Variants in ZMYM2 observed in about 807,000 individuals in gnomAD.
ZMYM2 encodes zinc finger MYM-type protein 2.
Under a neutral mutation model 162.8 loss-of-function variants are expected in ZMYM2, and 56 were observed. The observed-to-expected ratio is 0.34, with a 90% CI of 0.28 to 0.43. The LOEUF is 0.43. Ranked by LOEUF, ZMYM2 falls within the 20% of genes least tolerant of loss-of-function variation. The probability of loss-of-function intolerance (pLI) is 1.00; values close to 1 mark genes in which losing one functional copy is unlikely to be tolerated. For missense variants in ZMYM2, 1,275 were observed against 1,621.8 expected (o/e 0.79, Z 3.67); for synonymous variants, 510 against 541.6 (o/e 0.94, Z 0.81).
chr13:19,877,616 C>T, the ZMYM2 span, among the ~76,000 whole-genome samples: 2 of 152,194 alleles, frequency 1.3e-5, no homozygotes, highest in Admixed American at 1.3e-4. Flanking sequence ...ATATCCAAAC[C>T]ATAGCATTAT....
intron 2 of ZMYM2, among the ~76,000 whole-genome samples, chr13:19,992,021 A>G (rs930399702): frequency 6.6e-6 from 1 of 152,126 alleles, no homozygotes; most frequent in African/African-American, 2.4e-5. Flanking sequence ...AACATTAATC[A>G]TATCTGCAAA....
chr13:20,077,620 A>G (rs181596847), intron 21 of ZMYM2, among the ~76,000 whole-genome samples: 3 of 141,490 alleles, frequency 2.1e-5, no homozygotes, highest in Admixed American at 2.0e-4. Context: ...ATAGAAATTT[A>G]TTCAGCAAAG....
At chr13:19,914,686 C>T in the ZMYM2 span, among the ~76,000 whole-genome samples, 1 of 152,324 alleles carries the variant, frequency 6.6e-6, no homozygotes, top group East Asian at 1.9e-4. Flanking sequence ...TTATCCACCA[C>T]CATGGTATTC....
At chr13:19,883,831 A>G in the ZMYM2 span, among the ~76,000 whole-genome samples, 1 of 152,066 alleles carries the variant, frequency 6.6e-6, no homozygotes, top group African/African-American at 2.4e-5. Context: ...ATCTCGCCTC[A>G]CGGCAACCCC....
intron 2 of ZMYM2, among the ~76,000 whole-genome samples, chr13:19,967,706 T>C (rs983393960): frequency 2.0e-5 from 3 of 152,156 alleles, no homozygotes; most frequent in Non-Finnish European, 4.4e-5. Context: ...AGTTAACAAA[T>C]GAGTATGGTA....
intron 2 of ZMYM2, among the ~76,000 whole-genome samples, chr13:19,964,333 A>C (rs987495547): frequency 1.3e-5 from 2 of 152,094 alleles, no homozygotes; most frequent in African/African-American, 4.8e-5. Flanking sequence ...CCAAGATTGC[A>C]CCACTGCACT....
At chr13:20,037,457 C>T (rs1167718140) in intron 12 of ZMYM2, among the ~76,000 whole-genome samples, 2 of 152,066 alleles carry the variant, frequency 1.3e-5, no homozygotes, top group African/African-American at 4.8e-5. Flanking sequence ...CTCAGGTGAT[C>T]TGCCCGCCTC....
In ZMYM2 at chr13:20,036,784, A is replaced by T; in HGVS notation, c.2167A>T (p.Arg723Ter). ...KQDFARRLGLRCVTCNYCSQL... is the reference protein window; with the variant it reads ...KQDFARRLGL Reference sequence around the variant, plus strand: ...GGATTTTGCCAGACGTTTAGGATTGAGATGTGTTACTTGCAACTATTGTTC... The same window carrying T: ...GGATTTTGCCAGACGTTTAGGATTGTGATGTGTTACTTGCAACTATTGTTC... The change falls in exon 12 of 25, where the codon AGA (arginine) becomes TGA (stop). Residue 723 changes from arginine to a stop codon, truncating the protein, a stop_gained. Transcript: ENST00000610343. LOFTEE classifies it high-confidence loss of function. 1 of 1,600,542 alleles carries T rather than the reference A, an allele frequency of 6.2e-7. No homozygotes were observed. The highest frequency in any genetic ancestry group is 8.5e-7 in the Non-Finnish European group (1 of 1,173,072).
chr13:19,932,913 G>T, the ZMYM2 span, among the ~76,000 whole-genome samples: 1 of 152,094 alleles, frequency 6.6e-6, no homozygotes, highest in Non-Finnish European at 1.5e-5. Flanking sequence ...GGCAGTCTGA[G>T]CTGACTAAGA....
At chr13:19,956,545 C>T (rs1022930694), upstream of ZMYM2, among the ~76,000 whole-genome samples, 3 of 152,164 alleles carry the variant, frequency 2.0e-5, no homozygotes, top group Non-Finnish European at 2.9e-5. Flanking sequence ...GAAAAATTCT[C>T]CCTGATATCA....
At chr13:19,903,520 A>C in the ZMYM2 span, among the ~76,000 whole-genome samples, 4 of 151,016 alleles carry the variant, frequency 2.6e-5, no homozygotes, top group African/African-American at 9.7e-5. Flanking sequence ...TTTAAGAACA[A>C]TGAAAAACTT....
intron 2 of ZMYM2, chr13:19,965,138 T>C: frequency 1.4e-6 from 1 of 716,222 alleles, no homozygotes; most frequent in African/African-American, 1.9e-5. Flanking sequence ...AACATTGGGA[T>C]GCACAGTTAG....
chr13:19,968,425 A>C (rs1195784399), intron 2 of ZMYM2, among the ~76,000 whole-genome samples: 2 of 151,644 alleles, frequency 1.3e-5, no homozygotes, highest in African/African-American at 4.8e-5. Flanking sequence ...GTCCCTGGCT[A>C]ATTTTTTTGT....
At chr13:19,974,373 G>A (rs181290637) in intron 2 of ZMYM2, among the ~76,000 whole-genome samples, 1 of 152,130 alleles carries the variant, frequency 6.6e-6, no homozygotes, top group South Asian at 2.1e-4. Flanking sequence ...TTGAAGTGCT[G>A]CATGGTGTTT....
the ZMYM2 span, among the ~76,000 whole-genome samples, chr13:19,878,517 C>CCCCCTTTTTTTTTTTTT: frequency 2.0e-5 from 2 of 99,028 alleles, 1 homozygote; most frequent in Non-Finnish European, 4.2e-5. Context: ...TTCCTTTGCC[C>CCCCCTTTTTTTTTTTTT]TTTTTTTTTT....
chr13:19,995,348 C>T (rs1224797979), intron 3 of ZMYM2, among the ~76,000 whole-genome samples: 1 of 152,064 alleles, frequency 6.6e-6, no homozygotes, highest in Admixed American at 6.6e-5. Context: ...TAGCATTTTA[C>T]TACTAAAAAA....
the ZMYM2 span, among the ~76,000 whole-genome samples, chr13:19,874,880 C>T: frequency 1.3e-5 from 2 of 152,078 alleles, no homozygotes; most frequent in Non-Finnish European, 2.9e-5. Flanking sequence ...GATGAGATAC[C>T]AGTCAGAATG....
chr13:20,006,092 G>A (rs908962225), intron 5 of ZMYM2, among the ~76,000 whole-genome samples: 5 of 151,990 alleles, frequency 3.3e-5, no homozygotes, highest in African/African-American at 1.2e-4. Flanking sequence ...CATTAGTTAG[G>A]CGTGGTTGTG....
At chr13:19,907,573 A>T in the ZMYM2 span, among the ~76,000 whole-genome samples, 752 of 152,216 alleles carry the variant, frequency 4.9e-3, 4 homozygotes, top group Non-Finnish European at 8.6e-3. Context: ...CAGCCTGGCC[A>T]ACATGGTGAA....
Sources: gnomAD v4.1 joint callset for allele counts (sites outside exome capture counted in the v4.1 genomes callset) on GRCh38, gnomAD v4.1.1 for gene constraint, MANE v1.5 for transcripts, NCBI Gene and HGNC (gene_info 2026-07-23, HGNC 2026-07-21) for gene names.